Variants in CCDC180 observed in about 807,000 individuals in gnomAD.
CCDC180 encodes the protein coiled-coil domain containing 180, also known as coiled-coil domain-containing protein 180.
In CCDC180, 154 loss-of-function variants were observed where a neutral mutation model predicts 209.2. The ratio of observed to expected loss-of-function variants is 0.74; its 90% CI spans 0.65 to 0.84. CCDC180 has a LOEUF of 0.84. CCDC180 is among the 40% of genes least tolerant of loss of function. The probability of loss-of-function intolerance (pLI) is 0.00; values close to 1 mark genes in which losing one functional copy is unlikely to be tolerated. For missense variants in CCDC180, 1,874 were observed against 1,997.3 expected (o/e 0.94, Z 1.18); for synonymous variants, 778 against 749.1 (o/e 1.04, Z -0.63).
chr9:97,363,911 G>C (rs1337683937), intron 28 of CCDC180, 140 bp from the exon 29 acceptor site: 26 of 731,330 alleles, frequency 3.6e-5, no homozygotes, highest in Non-Finnish European at 4.8e-6. Flanking sequence ...GCCCCAAAGG[G>C]CTAGGCCCTA....
In CCDC180 at chr9:97,314,437, G is replaced by T; in HGVS notation, c.504G>T (p.Lys168Asn). 1 of 1,614,124 alleles carries T rather than the reference G, an allele frequency of 6.2e-7. No homozygotes were observed. The highest frequency in any genetic ancestry group is 1.1e-5 in the South Asian group (1 of 91,070). The change falls in exon 6 of 37, where the codon AAG (lysine) becomes AAT (asparagine). Residue 168 changes from lysine to asparagine, a missense_variant. Coordinates refer to ENST00000529487, the MANE Select transcript of CCDC180 (RefSeq NM_020893.6). ...TGGACACAGGGGGACTTTTTTTGAA[G>T]AAGCTGACTGAGTCTGATGAAGAAA... ...LIVDTGGLFLKKLTESDEEMN... is the reference protein window; with the variant it reads ...LIVDTGGLFLNKLTESDEEMN...
intron 18 of CCDC180, among the ~76,000 whole-genome samples, chr9:97,340,244 G>A (rs929651962): frequency 7.2e-5 from 11 of 152,024 alleles, no homozygotes; most frequent in Non-Finnish European, 4.4e-5. Context: ...AGGGGCGCTC[G>A]GGTTTTTAGA....
intron 24 of CCDC180, among the ~76,000 whole-genome samples, chr9:97,355,754 T>C (rs1003623101): frequency 6.6e-6 from 1 of 152,016 alleles, no homozygotes; most frequent in African/African-American, 2.4e-5. Flanking sequence ...TGCGTGGGGA[T>C]TGAGGGGCCA....
Position 97,353,736 on chromosome 9 carries a change from G to C in CCDC180, c.3003-833G>C, listed in dbSNP as rs1587822918. ...TGTAAATGTATGTGAAGTCTAGTTT[G>C]TGTGATGAATTTTCAGGGGACAGAG... On this transcript the variant is annotated intron_variant, in intron 22 of 36. Transcript: ENST00000529487. 2.6e-5 allele frequency among the ~76,000 whole-genome samples: 4 copies of C among 152,218 alleles called. 1 individual carries two copies. In the South Asian group the frequency reaches 8.3e-4, roughly 31 times the overall value.
chr9:97,311,993 TG>T, intron 3 of CCDC180, 119 bp from the exon 4 acceptor site: 1 of 809,820 alleles, frequency 1.2e-6, no homozygotes, highest in Non-Finnish European at 2.1e-6. Context: ...GGGGTGTGCC[TG>T]GTCCATTGCT....
At chr9:97,310,571 G>A (rs902167553) in intron 3 of CCDC180, among the ~76,000 whole-genome samples, 1 of 151,292 alleles carries the variant, frequency 6.6e-6, no homozygotes, top group Non-Finnish European at 1.5e-5. Flanking sequence ...GAGCAGGCGC[G>A]GTGCTCCCCT....
chr9:97,351,134 G>A (rs1826410070), intron 22 of CCDC180, among the ~76,000 whole-genome samples: 1 of 152,164 alleles, frequency 6.6e-6, no homozygotes, highest in Admixed American at 6.5e-5. Context: ...ACAAATACCT[G>A]TTCAAGGTCC....
intron 4 of CCDC180, among the ~76,000 whole-genome samples, chr9:97,312,812 A>G (rs1238325048): frequency 6.6e-6 from 1 of 151,822 alleles, no homozygotes; most frequent in Non-Finnish European, 1.5e-5. Flanking sequence ...GCTGCTGGCC[A>G]ACTTGGTTCT....
Position 97,370,042 on chromosome 9 carries a change from GAC to G in CCDC180, c.4312_4313del (p.Gln1438ValfsTer39). 1 of 1,614,172 alleles carries G rather than the reference GAC, an allele frequency of 6.2e-7. No individual in the cohort carries two copies. The highest frequency in any genetic ancestry group is 8.5e-7 in the Non-Finnish European group (1 of 1,180,024). ...TTCACCTCTGTGAAGGAGATCCGAG[GAC>G]AGTTCGAGGAACAGCAGAAGCGGCT... On this transcript the variant is annotated frameshift_variant, in exon 32 of 37. Transcript: ENST00000529487. LOFTEE classifies it high-confidence loss of function.
intron 25 of CCDC180, chr9:97,357,991 C>T (rs527807322): frequency 7.8e-5 from 27 of 346,130 alleles, no homozygotes; most frequent in African/African-American, 5.5e-4. Context: ...GTCTGGCTTC[C>T]TCTGACCTCA....
intron 25 of CCDC180, 131 bp from the exon 26 acceptor site, chr9:97,359,851 A>G (rs890731194): frequency 3.7e-5 from 44 of 1,195,028 alleles, no homozygotes; most frequent in Non-Finnish European, 5.0e-5. Flanking sequence ...CCTTCCCTGC[A>G]TGTGAGGAGC....
chr9:97,334,053 T>C (rs1825830462), intron 18 of CCDC180, among the ~76,000 whole-genome samples: 1 of 152,126 alleles, frequency 6.6e-6, no homozygotes, highest in Non-Finnish European at 1.5e-5. Flanking sequence ...ATAACCCATA[T>C]ATGTTTAACA....
intron 5 of CCDC180, 57 bp from the exon 6 acceptor site, chr9:97,314,336 C>G: frequency 6.3e-7 from 1 of 1,589,754 alleles, no homozygotes; most frequent in South Asian, 1.1e-5. Flanking sequence ...ACAGGGAAGG[C>G]TCCCTCCTTC....
chr9:97,327,765 GT>G (rs1178443295), intron 15 of CCDC180, among the ~76,000 whole-genome samples: 1 of 152,166 alleles, frequency 6.6e-6, no homozygotes, highest in African/African-American at 2.4e-5. Flanking sequence ...CAAAGACAGA[GT>G]TAGGACCCTG....
chr9:97,320,210 G>A lies in CCDC180; in HGVS notation c.1159+5G>A. 2 of 1,613,284 alleles carry A rather than the reference G, an allele frequency of 1.2e-6. No homozygotes were observed. Among genetic ancestry groups the A allele is most frequent in the East Asian group, 2.2e-5 (1 of 44,884 alleles). ...ACTCCCTGAACAAGGAGCTAGGTGA[G>A]TGACGTCTGCAGGACTCCACCTGCA... On this transcript the variant is annotated splice_donor_5th_base_variant and intron_variant, in intron 11 of 36. Transcript: ENST00000529487.
In CCDC180 at chr9:97,308,054, A is replaced by G. The variant is rs778986201; in HGVS notation, c.-10A>G. 3.1e-6 allele frequency: 5 copies of G among 1,613,638 alleles called. No homozygotes were observed. In the South Asian group the frequency reaches 3.3e-5, roughly 11 times the overall value. On this transcript the variant is annotated 5_prime_UTR_variant, in exon 2 of 37. Coordinates refer to ENST00000529487, the MANE Select transcript of CCDC180 (RefSeq NM_020893.6). The stretch of plus-strand genomic sequence containing the variant: ...GGCTTCCCGGCAGGGGCATCCAGCC[A>G]GCGGCCAAGATGTCGTCAGTGGGGA...
chr9:97,330,328 A>C lies in CCDC180; in HGVS notation c.1835A>C (p.His612Pro). Reference sequence around the variant, plus strand: ...TGGTGTTTATCATCAACAGAAGCACATGAAAAACCCTCCCAGAAGAGAGTG... The same window carrying C: ...TGGTGTTTATCATCAACAGAAGCACCTGAAAAACCCTCCCAGAAGAGAGTG... ...VIFKFRQPEAHEKPSQKRVKK... is the reference protein window; with the variant it reads ...VIFKFRQPEAPEKPSQKRVKK... Residue 612 changes from histidine (H) to proline (P), a missense_variant, in exon 18 of 37, where the codon CAT (histidine) becomes CCT (proline). Transcript: ENST00000529487. 1 of 1,613,312 alleles carries C rather than the reference A, an allele frequency of 6.2e-7. No individual in the cohort carries two copies. The highest frequency in any genetic ancestry group is 8.5e-7 in the Non-Finnish European group (1 of 1,179,618).
chr9:97,342,582 G>A (rs984489206), intron 18 of CCDC180, among the ~76,000 whole-genome samples: 2 of 152,172 alleles, frequency 1.3e-5, no homozygotes, highest in Non-Finnish European at 2.9e-5. Flanking sequence ...CCCAGCCACA[G>A]CAATGCTTTC....
chr9:97,374,544 G>A lies in CCDC180; in HGVS notation c.4602G>A (p.Arg1534=). The A allele has an allele frequency of 6.2e-7, 1 of 1,613,320 alleles. No homozygotes were observed. Residue 1534 remains arginine, a splice_region_variant and synonymous_variant, in exon 35 of 37, where the codon AGG becomes AGA. Coordinates refer to ENST00000529487, the MANE Select transcript of CCDC180 (RefSeq NM_020893.6). ...VVTIDDVQVA[R]MEPPKQKLSM... Reference sequence around the variant, plus strand: ...CACTAGCCTGTCTTTTGCCTCTAGGGATGGAGCCCCCCAAACAGAAATTAT... The same window carrying A: ...CACTAGCCTGTCTTTTGCCTCTAGGAATGGAGCCCCCCAAACAGAAATTAT...
Sources: allele counts gnomAD v4.1 joint callset (sites outside exome capture counted in the v4.1 genomes callset), GRCh38; gene constraint gnomAD v4.1.1; transcripts MANE v1.5; gene names NCBI Gene and HGNC (gene_info 2026-07-23, HGNC 2026-07-21).